The following FGR variants were observed in gnomAD, a reference collection of about 807,000 sequenced individuals.
FGR encodes tyrosine-protein kinase Fgr.
In FGR, 26 loss-of-function variants were observed where a neutral mutation model predicts 63.2. The observed-to-expected ratio is 0.41, with a 90% CI of 0.30 to 0.57. The LOEUF (loss-of-function observed/expected upper bound fraction) is 0.57, where lower values mean the gene tolerates loss of function less well. Among genes scored for constraint, FGR ranks in the 20% least tolerant of loss-of-function variants. The pLI, the probability that FGR is intolerant of heterozygous loss-of-function variation, is 0.27. For synonymous variants in FGR, 286 were observed against 277.7 expected, an observed-to-expected ratio of 1.03 and a Z score of -0.30; for missense variants, 511 against 690.8, an observed-to-expected ratio of 0.74 and a Z score of 2.92.
chr1:27,632,119 GTTCTTCTTCTTC>G (rs528582306), intron 1 of FGR, among the ~76,000 whole-genome samples: 1 of 147,194 alleles, frequency 6.8e-6, no homozygotes, highest in African/African-American at 2.5e-5. Flanking sequence ...TTCTTTCTTT[GTTCTTCTTCTTC>G]TTCTTCTTCT....
At chr1:27,613,197 C>T (rs766833123) in intron 12 of FGR, 22 bp downstream of exon 12, 2 of 1,611,922 alleles carry the variant, frequency 1.2e-6, no homozygotes, top group Middle Eastern at 1.6e-4. Context: ...CCCACCCCAG[C>T]CCTACCCCTG....
At chr1:27,630,328 C>T (rs1257027792) in intron 1 of FGR, among the ~76,000 whole-genome samples, 1 of 152,332 alleles carries the variant, frequency 6.6e-6, no homozygotes, top group South Asian at 2.1e-4. Context: ...GCTGGGATTA[C>T]AGGCATGAGC....
chr1:27,625,940 A>AAAACAAAC (rs370026843), intron 1 of FGR: 2 of 395,484 alleles, frequency 5.1e-6, no homozygotes, highest in African/African-American at 4.1e-5. Context: ...CTCCATCTCA[A>AAAACAAAC]AAACAAACAA....
chr1:27,632,290 C>T (rs2090117598), intron 1 of FGR, among the ~76,000 whole-genome samples: 8 of 152,068 alleles, frequency 5.3e-5, no homozygotes, highest in Admixed American at 5.2e-4. Context: ...GCGTCTGCCA[C>T]CATGCCCAGC....
chr1:27,613,196 G>A (rs763214233), intron 12 of FGR, 23 bp downstream of exon 12: 1 of 1,611,728 alleles, frequency 6.2e-7, no homozygotes, highest in Admixed American at 1.7e-5. Context: ...CCCCACCCCA[G>A]CCCTACCCCT....
chr1:27,613,884 C>T (rs1228450294), intron 11 of FGR, among the ~76,000 whole-genome samples: 3 of 152,054 alleles, frequency 2.0e-5, no homozygotes, highest in Non-Finnish European at 2.9e-5. Flanking sequence ...ATCCTAATAA[C>T]GGCCAATACT....
At chr1:27,628,926 C>T (rs11584464) in intron 1 of FGR, among the ~76,000 whole-genome samples, 1 of 152,196 alleles carries the variant, frequency 6.6e-6, no homozygotes, top group Non-Finnish European at 1.5e-5. Context: ...GACCAGTATG[C>T]TGAGGCGTCA....
At chr1:27,630,257 G>T (rs184268376) in intron 1 of FGR, among the ~76,000 whole-genome samples, 50 of 152,240 alleles carry the variant, frequency 3.3e-4, no homozygotes, top group African/African-American at 1.2e-3. Context: ...GTTTCACCGT[G>T]TTAGCCCGGA....
chr1:27,618,936 TC>T lies in FGR; in HGVS notation c.429-1641del, dbSNP rs2089867349. ...GCTGTCTGGCCTCCGCCTCCCACCC[TC>T]ACACAGAGAAATCTCTCACCAAGGT... On this transcript the variant is annotated intron_variant, in intron 5 of 12. Transcript: ENST00000374005. Among the ~76,000 whole-genome samples, 3 of 152,206 alleles carry T rather than the reference TC, an allele frequency of 2.0e-5. No individual in the cohort carries two copies. In the South Asian group the frequency reaches 6.2e-4, roughly 32 times the overall value.
intron 1 of FGR, among the ~76,000 whole-genome samples, chr1:27,625,468 G>A (rs150564178): frequency 6.6e-6 from 1 of 152,302 alleles, no homozygotes; most frequent in African/African-American, 2.4e-5. Context: ...GCTCTAACAA[G>A]CCCAAGCTCA....
At chr1:27,622,286 C>CT (rs1352176083) in intron 4 of FGR, among the ~76,000 whole-genome samples, 1 of 122,974 alleles carries the variant, frequency 8.1e-6, no homozygotes, top group Non-Finnish European at 1.7e-5. Context: ...GAGACTCCAA[C>CT]TCAAAAAAAA....
In FGR at chr1:27,614,782, G is replaced by A. The variant is rs574194788; in HGVS notation, c.1095+68C>T. On this transcript the variant is annotated intron_variant, in intron 10 of 12. Coordinates refer to ENST00000374005, the MANE Select transcript of FGR (RefSeq NM_005248.3). Reference sequence around the variant, plus strand: ...GGGGCCGCCCTCCCAGGCGTTTGAAGGGACAGAGAATTTGTGAACAGTTAA... The same window carrying A: ...GGGGCCGCCCTCCCAGGCGTTTGAAAGGACAGAGAATTTGTGAACAGTTAA... The A allele has an allele frequency of 1.1e-4, 168 of 1,472,450 alleles. 1 individual carries two copies. The South Asian group carries it at 1.9e-3, about 17-fold the overall frequency. The allele number at this position is 1,472,450 out of a possible 1,614,324, so 91.2% of individuals were successfully genotyped here. A position where few individuals can be genotyped will look rare whatever the true frequency, so the allele number is the denominator to read the frequency against.
intron 1 of FGR, among the ~76,000 whole-genome samples, chr1:27,626,993 C>A (rs1387263638): frequency 6.7e-6 from 1 of 150,074 alleles, no homozygotes; most frequent in Non-Finnish European, 1.5e-5. Context: ...ATAGGGACAC[C>A]CCGTCTCTAT....
chr1:27,623,559 T>C (rs1229285854), intron 3 of FGR, 132 bp downstream of exon 3: 1 of 895,284 alleles, frequency 1.1e-6, no homozygotes, highest in Non-Finnish European at 1.8e-6. Flanking sequence ...CCTCAGCCCA[T>C]GTGATCTTGA....
chr1:27,626,847 T>G (rs1012312704), intron 1 of FGR, among the ~76,000 whole-genome samples: 38 of 151,508 alleles, frequency 2.5e-4, no homozygotes, highest in African/African-American at 9.0e-4. Flanking sequence ...CAGGAACTGG[T>G]GAAAAGAGAG....
chr1:27,623,540 T>C, intron 3 of FGR, 151 bp downstream of exon 3: 1 of 804,476 alleles, frequency 1.2e-6, no homozygotes, highest in Non-Finnish European at 2.1e-6. Context: ...GGGAGGGCTG[T>C]ACAGACTCCC....
At chr1:27,631,224 G>A (rs1009663219) in intron 1 of FGR, among the ~76,000 whole-genome samples, 14 of 152,194 alleles carry the variant, frequency 9.2e-5, no homozygotes, top group Admixed American at 5.9e-4. Context: ...CTGAGCAGGA[G>A]ATCATGCTGT....
At chr1:27,623,402 C>T (rs2089965030) in intron 3 of FGR, 1 of 597,824 alleles carries the variant, frequency 1.7e-6, no homozygotes, top group Non-Finnish European at 3.0e-6. Flanking sequence ...GAAGACTTCC[C>T]ATCTGGGAAG....
chr1:27,630,936 C>T (rs1267017710), intron 1 of FGR, among the ~76,000 whole-genome samples: 1 of 152,186 alleles, frequency 6.6e-6, no homozygotes, highest in Non-Finnish European at 1.5e-5. Flanking sequence ...GGATCTTTGA[C>T]ATAAGCCTCT....
Sources: allele counts gnomAD v4.1 joint callset (sites outside exome capture counted in the v4.1 genomes callset), GRCh38; gene constraint gnomAD v4.1.1; transcripts MANE v1.5; gene names NCBI Gene and HGNC (gene_info 2026-07-23, HGNC 2026-07-21).